The following PLCZ1 variants were observed in gnomAD, a reference collection of about 807,000 sequenced individuals.
PLCZ1 encodes 1-phosphatidylinositol 4,5-bisphosphate phosphodiesterase zeta-1.
A neutral mutation model predicts 76.8 loss-of-function variants in PLCZ1; 64 were observed. That is an observed-to-expected ratio of 0.83 (90% confidence interval 0.68 to 1.03). The LOEUF (loss-of-function observed/expected upper bound fraction) is 1.03, where lower values mean the gene tolerates loss of function less well. Ranked by LOEUF, PLCZ1 falls within the 50% of genes least tolerant of loss-of-function variation. The pLI, the probability that PLCZ1 is intolerant of heterozygous loss-of-function variation, is 0.00. For synonymous variants in PLCZ1, 248 were observed against 230.8 expected (o/e 1.07, Z -0.68); for missense variants, 751 against 713.7 (o/e 1.05, Z -0.60).
At position 18,702,822 on chromosome 12, in the gene PLCZ1, T is replaced by TA. The variant is rs1160487170; in HGVS notation, c.865-1047_865-1046insT. Among the ~76,000 whole-genome samples, 8 of 146,190 alleles carry TA rather than the reference T, an allele frequency of 5.5e-5. 1 individual carries two copies. Among genetic ancestry groups the TA allele is most frequent in the Admixed American group, 1.4e-4 (2 of 14,702 alleles). ...GAATATTGTAGGATAAAGTAACTTT[T>TA]TTTTTTTTTTTTTTTTGAGACGGAG... is the stretch of plus-strand genomic sequence containing the variant. On this transcript the variant is annotated intron_variant, in intron 7 of 14. Transcript: ENST00000266505.
the PLCZ1 span, among the ~76,000 whole-genome samples, chr12:18,652,843 T>C: frequency 6.6e-6 from 1 of 152,106 alleles, no homozygotes; most frequent in Non-Finnish European, 1.5e-5. Flanking sequence ...AGTTGTCTCA[T>C]AGCAACATAT....
chr12:18,683,293 C>A lies in PLCZ1; in HGVS notation c.1773G>T (p.Met591Ile). The change falls in exon 15 of 15, where the codon ATG (methionine) becomes ATT (isoleucine). Residue 591 changes from methionine to isoleucine, a missense_variant. Met to Ile is a conservative substitution (Grantham distance 10, BLOSUM62 1). Transcript: ENST00000266505. ...GTGAAGCAGGCTCAAGGCTCTCACC[C>A]ATTCTGGAAAACAGAGGAATACGAC... ...GYRRIPLFSR[M>I]GESLEPASLF... 1 of 1,612,580 alleles carries A rather than the reference C, an allele frequency of 6.2e-7. No homozygotes were observed. Among genetic ancestry groups the A allele is most frequent in the Non-Finnish European group, 8.5e-7 (1 of 1,179,056 alleles).
the PLCZ1 span, among the ~76,000 whole-genome samples, chr12:18,673,008 G>A: frequency 2.0e-5 from 3 of 152,146 alleles, no homozygotes; most frequent in Non-Finnish European, 2.9e-5. Context: ...TGACACAAAA[G>A]ATGGCATACA....
chr12:18,700,037 C>T (rs1223125076), intron 9 of PLCZ1, 87 bp from the exon 10 acceptor site: 1 of 1,091,446 alleles, frequency 9.2e-7, no homozygotes, highest in Admixed American at 2.1e-5. Context: ...CACTTTCAAA[C>T]AAATGATTTT....
At chr12:18,659,792 T>A in the PLCZ1 span, among the ~76,000 whole-genome samples, 1,451 of 152,114 alleles carry the variant, frequency 9.5e-3, 19 homozygotes, top group African/African-American at 0.033. Context: ...TTATTTAGCA[T>A]TATGTATATC....
chr12:18,701,628 TCCTCCTCCTC>T, intron 8 of PLCZ1, 54 bp downstream of exon 8: 1 of 1,575,930 alleles, frequency 6.3e-7, no homozygotes, highest in Admixed American at 1.8e-5. Context: ...CTCCTCCTCC[TCCTCCTCCTC>T]CTCCTCCTCC....
the PLCZ1 span, among the ~76,000 whole-genome samples, chr12:18,670,386 G>T: frequency 1.3e-5 from 2 of 152,042 alleles, no homozygotes; most frequent in African/African-American, 2.4e-5. Flanking sequence ...CAGAGAGCTA[G>T]AACATAGATA....
intron 3 of PLCZ1, among the ~76,000 whole-genome samples, chr12:18,732,440 C>G (rs1262521235): frequency 6.6e-6 from 1 of 152,168 alleles, no homozygotes; most frequent in East Asian, 1.9e-4. Context: ...GCATGAGCCA[C>G]CACGCCTGGA....
chr12:18,692,688 G>T, intron 12 of PLCZ1: 1 of 717,294 alleles, frequency 1.4e-6, no homozygotes, highest in Admixed American at 2.7e-5. Flanking sequence ...AATCAGTAAA[G>T]AACAAAATCA....
At chr12:18,651,039 G>T in the PLCZ1 span, among the ~76,000 whole-genome samples, 1 of 151,932 alleles carries the variant, frequency 6.6e-6, no homozygotes, top group East Asian at 1.9e-4. Context: ...AAAAGCCCAA[G>T]CCTTTAAAAT....
chr12:18,657,131 T>C, the PLCZ1 span, among the ~76,000 whole-genome samples: 1 of 152,142 alleles, frequency 6.6e-6, no homozygotes, highest in Non-Finnish European at 1.5e-5. Context: ...AGTGCTGAGG[T>C]GACTACCCAG....
intron 3 of PLCZ1, among the ~76,000 whole-genome samples, chr12:18,724,082 G>A (rs1212126332): frequency 2.0e-5 from 3 of 152,072 alleles, no homozygotes; most frequent in Non-Finnish European, 4.4e-5. Flanking sequence ...TGAACTTTAC[G>A]AGAAAAGGCA....
the PLCZ1 span, among the ~76,000 whole-genome samples, chr12:18,664,725 C>T: frequency 6.6e-6 from 1 of 151,366 alleles, no homozygotes; most frequent in African/African-American, 2.4e-5. Context: ...TATTGCGGCA[C>T]TATTCACAAT....
chr12:18,679,433 T>C (rs1952227962), downstream of PLCZ1, among the ~76,000 whole-genome samples: 2 of 152,000 alleles, frequency 1.3e-5, no homozygotes, highest in Admixed American at 6.6e-5. Flanking sequence ...GCTTTTTCAT[T>C]TAGGTTTATG....
chr12:18,660,539 T>C, the PLCZ1 span, among the ~76,000 whole-genome samples: 18,811 of 151,970 alleles, frequency 0.12, 1,378 homozygotes, highest in African/African-American at 0.2. Context: ...ACCACATATA[T>C]AGAGGAAATT....
In PLCZ1 at chr12:18,695,047, T is replaced by C. The variant is rs1423779663; in HGVS notation, c.1324A>G (p.Met442Val). Residue 442 changes from methionine (M) to valine (V), a missense_variant, in exon 12 of 15, where the codon ATG becomes GTG. Met to Val is a conservative substitution (Grantham distance 21). Coordinates refer to ENST00000266505, the MANE Select transcript of PLCZ1 (RefSeq NM_033123.4). ...ALNFQTPGLPMDLQNGKFLDN... is the reference protein window; with the variant it reads ...ALNFQTPGLPVDLQNGKFLDN... Reference sequence around the variant, plus strand: ...AAAAATTTCCCATTTTGCAGATCCATGGGCAGACCAGGGGTCTGGAAATTT... The same window carrying C: ...AAAAATTTCCCATTTTGCAGATCCACGGGCAGACCAGGGGTCTGGAAATTT... The C allele has an allele frequency of 6.2e-6, 10 of 1,613,148 alleles. No individual in the cohort carries two copies. Among genetic ancestry groups the C allele is most frequent in the Non-Finnish European group, 8.5e-6 (10 of 1,179,388 alleles).
rs1420527979 is a variant in PLCZ1 at position 18,696,354 on chromosome 12, T to C, written c.1175-88A>G. 7 of 159,442 alleles carry C rather than the reference T, an allele frequency of 4.4e-5. 1 individual carries two copies. The highest frequency in any genetic ancestry group is 2.3e-4 in the Admixed American group (2 of 8,816). 9.9% of individuals were successfully genotyped at this position (159,442 alleles called of 1,614,324 possible). On this transcript the variant is annotated intron_variant, in intron 10 of 14. Transcript: ENST00000266505. The stretch of plus-strand genomic sequence containing the variant: ...TATATATATATATATATATATATCA[T>C]ATAATTCTATAATAGTTTCAACAAT...
At chr12:18,710,817 A>C (rs1003831775) in intron 6 of PLCZ1, among the ~76,000 whole-genome samples, 5 of 152,226 alleles carry the variant, frequency 3.3e-5, no homozygotes, top group African/African-American at 1.2e-4. Context: ...AGAAATGCAA[A>C]TCAAAACCAC....
chr12:18,711,107 C>T (rs1957258650), intron 6 of PLCZ1, among the ~76,000 whole-genome samples: 1 of 151,884 alleles, frequency 6.6e-6, no homozygotes, highest in Admixed American at 6.6e-5. Context: ...CGGCACTATT[C>T]ACAATAGCAA....
Sources: allele counts gnomAD v4.1 joint callset (sites outside exome capture counted in the v4.1 genomes callset), GRCh38; gene constraint gnomAD v4.1.1; transcripts MANE v1.5; gene names NCBI Gene and HGNC (gene_info 2026-07-23, HGNC 2026-07-21).